Variants in CSMD3 observed in about 807,000 individuals in gnomAD.
The protein encoded by CSMD3 is CUB and Sushi multiple domains 3, also known as CUB and sushi domain-containing protein 3.
A neutral mutation model predicts 435.2 loss-of-function variants in CSMD3; 177 were observed. That is an observed-to-expected ratio of 0.41 (90% CI 0.36 to 0.46). CSMD3 has a LOEUF of 0.46. Among genes scored for constraint, CSMD3 ranks in the 20% least tolerant of loss-of-function variants. The pLI is 0.34. For synonymous variants in CSMD3, 1,656 were observed against 1,520.5 expected (o/e 1.09, Z -2.07); for missense variants, 4,265 against 4,504.6 (o/e 0.95, Z 1.52).
rs371217771 is a variant in CSMD3, at chr8:112,544,628, T to C, written c.4564+6043A>G. Among the ~76,000 whole-genome samples the C allele has an allele frequency of 1.4e-4, 22 of 152,344 alleles. No individual in the cohort carries two copies. In the South Asian group the frequency reaches 4.1e-3, roughly 29 times the overall value. ...TTAAAAAAATTTGTTTCTGGATGTATGAAATTCTTGGATTTACAAATAGTG... is the reference window on the plus strand; with the variant it reads ...TTAAAAAAATTTGTTTCTGGATGTACGAAATTCTTGGATTTACAAATAGTG... On this transcript the variant is annotated intron_variant, in intron 27 of 70. Transcript: ENST00000297405.
chr8:112,606,200 G>A (rs560733084), intron 22 of CSMD3, among the ~76,000 whole-genome samples: 1 of 152,270 alleles, frequency 6.6e-6, no homozygotes, highest in South Asian at 2.1e-4. Context: ...ACCCCAGGGT[G>A]GCACAGGTTG....
chr8:113,324,550 T>A (rs1047124616), intron 1 of CSMD3, among the ~76,000 whole-genome samples: 1 of 152,108 alleles, frequency 6.6e-6, no homozygotes, highest in Non-Finnish European at 1.5e-5. Context: ...CCACCTAGAA[T>A]TCAGAAGATG....
intron 9 of CSMD3, among the ~76,000 whole-genome samples, chr8:112,931,535 T>C (rs1587701019): frequency 6.8e-6 from 1 of 146,804 alleles, no homozygotes; most frequent in Admixed American, 6.8e-5. Context: ...GGAACTTGTC[T>C]AGGAAAAGAT....
intron 1 of CSMD3, among the ~76,000 whole-genome samples, chr8:113,423,694 C>T (rs1357361951): frequency 6.6e-6 from 1 of 151,812 alleles, no homozygotes; most frequent in African/African-American, 2.4e-5. Flanking sequence ...AATTACCTCA[C>T]ATGAATTAGT....
intron 29 of CSMD3, among the ~76,000 whole-genome samples, chr8:112,505,368 T>A (rs989013289): frequency 6.6e-6 from 1 of 152,162 alleles, no homozygotes; most frequent in Non-Finnish European, 1.5e-5. Flanking sequence ...ATTTCATTAC[T>A]TATTACCCTT....
intron 3 of CSMD3, among the ~76,000 whole-genome samples, chr8:113,183,695 TTC>T (rs1409436327): frequency 6.6e-6 from 1 of 151,944 alleles, no homozygotes; most frequent in Non-Finnish European, 1.5e-5. Context: ...GCCTGAGCTC[TTC>T]TCTGTTTTAT....
intron 6 of CSMD3, among the ~76,000 whole-genome samples, chr8:113,016,005 T>A (rs2086442855): frequency 6.6e-6 from 1 of 151,856 alleles, no homozygotes; most frequent in South Asian, 2.1e-4. Context: ...AACAATAGTT[T>A]AAAACAAAGA....
intron 13 of CSMD3, among the ~76,000 whole-genome samples, chr8:112,701,286 T>G (rs2076383453): frequency 6.6e-6 from 1 of 152,130 alleles, no homozygotes; most frequent in African/African-American, 2.4e-5. Context: ...ATTAGTGATT[T>G]TTTTGAAAAG....
At chr8:112,701,171 G>A (rs928303041) in intron 13 of CSMD3, among the ~76,000 whole-genome samples, 4 of 152,122 alleles carry the variant, frequency 2.6e-5, no homozygotes, top group Non-Finnish European at 5.9e-5. Flanking sequence ...GCTAATACAA[G>A]TGAGTGACGA....
intron 10 of CSMD3, among the ~76,000 whole-genome samples, chr8:112,916,648 T>A (rs1320755417): frequency 6.6e-6 from 1 of 151,968 alleles, no homozygotes; most frequent in African/African-American, 2.4e-5. Flanking sequence ...ACCTGCTATA[T>A]GCATTTCTGG....
chr8:112,615,510 ATC>A lies in CSMD3; in HGVS notation c.3715+21305_3715+21306del, dbSNP rs1833599387. On this transcript the variant is annotated intron_variant, in intron 22 of 70. Coordinates refer to ENST00000297405, the MANE Select transcript of CSMD3 (RefSeq NM_198123.2). Reference sequence around the variant, plus strand: ...AATTGGTACCTAGAAGCATGCAGAAATCTACTTTGGCCCAAAGCAAAAAAGTT... The same window carrying A: ...AATTGGTACCTAGAAGCATGCAGAAATACTTTGGCCCAAAGCAAAAAAGTT... Among the ~76,000 whole-genome samples, 6 of 152,184 alleles carry A rather than the reference ATC, an allele frequency of 3.9e-5. No individual in the cohort carries two copies. In the East Asian group the frequency reaches 1.2e-3, roughly 29 times the overall value.
chr8:112,575,006 A>G (rs1182922583), intron 23 of CSMD3, among the ~76,000 whole-genome samples: 1 of 151,894 alleles, frequency 6.6e-6, no homozygotes, highest in Non-Finnish European at 1.5e-5. Flanking sequence ...GGAATGTTTT[A>G]TTATTATTAT....
At chr8:112,307,509 C>A (rs1302968101) in intron 50 of CSMD3, among the ~76,000 whole-genome samples, 2 of 152,018 alleles carry the variant, frequency 1.3e-5, no homozygotes, top group Non-Finnish European at 2.9e-5. Context: ...TCTCAAACTC[C>A]TAGGCTCAAG....
At chr8:112,838,587 T>G (rs2132519810) in intron 11 of CSMD3, among the ~76,000 whole-genome samples, 1 of 151,770 alleles carries the variant, frequency 6.6e-6, no homozygotes, top group African/African-American at 2.4e-5. Context: ...TCCATACACA[T>G]GAAAGCATTA....
intron 1 of CSMD3, among the ~76,000 whole-genome samples, chr8:113,361,368 A>G (rs2094274949): frequency 6.6e-6 from 1 of 152,208 alleles, no homozygotes; most frequent in Admixed American, 6.5e-5. Flanking sequence ...GTATGAAAGC[A>G]GTAAAATTAT....
chr8:112,267,902 T>G (rs1207345674), intron 59 of CSMD3, among the ~76,000 whole-genome samples: 1 of 152,086 alleles, frequency 6.6e-6, no homozygotes, highest in African/African-American at 2.4e-5. Context: ...GCAAGTCAAT[T>G]CATTCACTAC....
intron 27 of CSMD3, among the ~76,000 whole-genome samples, chr8:112,527,807 C>T (rs1825126037): frequency 6.6e-6 from 1 of 151,936 alleles, no homozygotes; most frequent in African/African-American, 2.4e-5. Flanking sequence ...AAAAATAAAA[C>T]TTGCATTGGA....
At chr8:112,542,304 C>G (rs555442122) in intron 27 of CSMD3, among the ~76,000 whole-genome samples, 1 of 147,796 alleles carries the variant, frequency 6.8e-6, no homozygotes, top group Non-Finnish European at 1.5e-5. Flanking sequence ...CTAGTCCTGG[C>G]CAGAGCAGTT....
chr8:113,296,772 G>A lies in CSMD3; in HGVS notation c.401+17799C>T, dbSNP rs58784567. ...TCTGTTTCTTGGTTAGAAAACACACGATCTCTACACGTCAGAAAACCAGCC... is the reference window on the plus strand; with the variant it reads ...TCTGTTTCTTGGTTAGAAAACACACAATCTCTACACGTCAGAAAACCAGCC... On this transcript the variant is annotated intron_variant, in intron 2 of 70. Transcript: ENST00000297405. 8.3e-3 allele frequency among the ~76,000 whole-genome samples: 1,259 copies of A among 152,122 alleles called. 17 individuals carry two copies. Among genetic ancestry groups the A allele is most frequent in the African/African-American group, 0.028 (1,179 of 41,498 alleles).
Sources: allele counts gnomAD v4.1 joint callset (sites outside exome capture counted in the v4.1 genomes callset), GRCh38; gene constraint gnomAD v4.1.1; transcripts MANE v1.5; gene names NCBI Gene and HGNC (gene_info 2026-07-23, HGNC 2026-07-21).